The following CDH18 variants were observed in gnomAD, a reference collection of about 807,000 sequenced individuals.
The protein encoded by CDH18 is cadherin-18.
CDH18 carries 31 observed loss-of-function variants against 67.9 expected under a neutral mutation model. The observed-to-expected ratio is 0.46, with a 90% CI of 0.34 to 0.62. The LOEUF (loss-of-function observed/expected upper bound fraction) is 0.62, where lower values mean the gene tolerates loss of function less well. Ranked by LOEUF, CDH18 falls within the 20% of genes least tolerant of loss-of-function variation. The pLI, the probability that CDH18 is intolerant of heterozygous loss-of-function variation, is 0.01. For synonymous variants in CDH18, 362 were observed against 347.2 expected, an observed-to-expected ratio of 1.04 and a Z score of -0.48; for missense variants, 890 against 975.5, an observed-to-expected ratio of 0.91 and a Z score of 1.17.
intron 1 of CDH18, among the ~76,000 whole-genome samples, chr5:20,503,623 T>C (rs1754470596): frequency 6.6e-6 from 1 of 152,130 alleles, no homozygotes; most frequent in African/African-American, 2.4e-5. Context: ...TGAATAGCAA[T>C]AGATTTGAGA....
intron 1 of CDH18, among the ~76,000 whole-genome samples, chr5:20,569,470 T>C (rs1474325664): frequency 6.6e-6 from 1 of 151,634 alleles, no homozygotes; most frequent in African/African-American, 2.4e-5. Context: ...AAAATACAAA[T>C]AATTAGCCAG....
intron 2 of CDH18, among the ~76,000 whole-genome samples, chr5:19,848,881 A>G (rs1355451632): frequency 6.7e-6 from 1 of 149,818 alleles, no homozygotes; most frequent in East Asian, 1.9e-4. Flanking sequence ...TATATTATAT[A>G]CATATATGTA....
chr5:19,818,509 C>CTAATTATTATATA (rs1386711818), intron 3 of CDH18, among the ~76,000 whole-genome samples: 2 of 152,108 alleles, frequency 1.3e-5, no homozygotes, highest in African/African-American at 4.8e-5. Context: ...ATTATAGTGA[C>CTAATTATTATATA]TAATTATTAT....
At chr5:20,172,841 T>C (rs1221311338) in intron 2 of CDH18, among the ~76,000 whole-genome samples, 7 of 151,416 alleles carry the variant, frequency 4.6e-5, no homozygotes, top group Non-Finnish European at 7.4e-5. Flanking sequence ...AAATACAAAA[T>C]TAGCCAGGCA....
rs533448961 is a variant in CDH18 at position 19,471,415 on chromosome 5, T to C, written c.*1811A>G. 5.6e-4 allele frequency among the ~76,000 whole-genome samples: 85 copies of C among 152,172 alleles called. No homozygotes were observed. Among genetic ancestry groups the C allele is most frequent in the African/African-American group, 2.0e-3 (84 of 41,550 alleles). On this transcript the variant is annotated 3_prime_UTR_variant, in exon 13 of 13. Coordinates refer to ENST00000382275, the MANE Select transcript of CDH18 (RefSeq NM_004934.5). ...ATTATAATATGATAGCACAGGGCAA[T>C]TGCAAACAGAGGTAAAATCCAAAAT... is the stretch of plus-strand genomic sequence containing the variant.
chr5:20,322,477 A>G (rs1455934998), intron 1 of CDH18, among the ~76,000 whole-genome samples: 1 of 152,036 alleles, frequency 6.6e-6, no homozygotes, highest in Non-Finnish European at 1.5e-5. Context: ...TAACTCTATG[A>G]CATTGGAAAA....
At chr5:20,433,806 C>T (rs1580989611) in intron 1 of CDH18, among the ~76,000 whole-genome samples, 2 of 152,012 alleles carry the variant, frequency 1.3e-5, no homozygotes, top group South Asian at 4.2e-4. Context: ...AGGGTTATGG[C>T]TGAGAATAGG....
chr5:20,419,792 C>A (rs930986144), intron 1 of CDH18, among the ~76,000 whole-genome samples: 2 of 150,770 alleles, frequency 1.3e-5, no homozygotes, highest in Admixed American at 6.6e-5. Flanking sequence ...ACTCTTTTGG[C>A]ACTTCAAGCT....
At chr5:19,635,696 T>C (rs1753038445) in intron 5 of CDH18, among the ~76,000 whole-genome samples, 1 of 152,186 alleles carries the variant, frequency 6.6e-6, no homozygotes, top group Non-Finnish European at 1.5e-5. Context: ...CTACATATCA[T>C]CTATCTACCT....
chr5:20,009,870 T>C (rs1051728771), intron 2 of CDH18, among the ~76,000 whole-genome samples: 1 of 152,138 alleles, frequency 6.6e-6, no homozygotes, highest in East Asian at 1.9e-4. Flanking sequence ...GGAAGATACA[T>C]TCTTTATTTT....
At chr5:20,281,236 C>A (rs915233375) in intron 1 of CDH18, among the ~76,000 whole-genome samples, 6 of 152,118 alleles carry the variant, frequency 3.9e-5, no homozygotes, top group Admixed American at 3.3e-4. Flanking sequence ...TCAATTCTGG[C>A]TTTTGTTGCC....
chr5:20,424,588 T>C (rs1748135395), intron 1 of CDH18, among the ~76,000 whole-genome samples: 1 of 148,988 alleles, frequency 6.7e-6, no homozygotes, highest in Non-Finnish European at 1.5e-5. Flanking sequence ...CTGTCTCTAC[T>C]AAATACAAAA....
chr5:20,268,912 TAAGC>T (rs774170045), intron 1 of CDH18, among the ~76,000 whole-genome samples: 15 of 152,032 alleles, frequency 9.9e-5, no homozygotes, highest in Non-Finnish European at 1.9e-4. Flanking sequence ...CGCAACAAAA[TAAGC>T]AACTAACAGA....
At chr5:19,774,406 T>C (rs1774056325) in intron 3 of CDH18, among the ~76,000 whole-genome samples, 1 of 65,534 alleles carries the variant, frequency 1.5e-5, no homozygotes. Context: ...AACTGAAACC[T>C]TGTCAAAAAT....
At chr5:19,602,879 C>T (rs539853665) in intron 6 of CDH18, among the ~76,000 whole-genome samples, 10 of 152,232 alleles carry the variant, frequency 6.6e-5, no homozygotes, top group Admixed American at 3.3e-4. Flanking sequence ...GCAGAAGAAT[C>T]CCTTGAATCC....
At chr5:19,673,507 A>C (rs1759046321) in intron 5 of CDH18, among the ~76,000 whole-genome samples, 5 of 152,042 alleles carry the variant, frequency 3.3e-5, no homozygotes, top group Admixed American at 3.3e-4. Context: ...TTTAAAGTAA[A>C]CTAACGTAAA....
At chr5:20,253,606 T>A (rs1478171888) in intron 2 of CDH18, among the ~76,000 whole-genome samples, 1 of 152,072 alleles carries the variant, frequency 6.6e-6, no homozygotes, top group African/African-American at 2.4e-5. Context: ...AATAACATAA[T>A]CAGAAGAATT....
rs188252537 is a variant in CDH18, at chr5:20,541,119, A to G, written c.-580+34343T>C. Among the ~76,000 whole-genome samples the G allele has an allele frequency of 3.0e-3, 461 of 152,338 alleles. 7 individuals are homozygous for G. The highest frequency in any genetic ancestry group is 0.027 in the Admixed American group (409 of 15,300). On this transcript the variant is annotated intron_variant, in intron 1 of 14. Transcript: ENST00000507958. Reference sequence around the variant, plus strand: ...AGTGCAAAAGCAGGAATGAACATCTATTTGAGGTCAGAATAAAGTAGAAAA... The same window carrying G: ...AGTGCAAAAGCAGGAATGAACATCTGTTTGAGGTCAGAATAAAGTAGAAAA...
intron 2 of CDH18, among the ~76,000 whole-genome samples, chr5:20,010,147 C>A (rs1737286933): frequency 6.9e-6 from 1 of 144,536 alleles, no homozygotes; most frequent in Non-Finnish European, 1.5e-5. Flanking sequence ...ACCACACAAC[C>A]TAGTGGAAAG....
Sources: allele counts gnomAD v4.1 joint callset (sites outside exome capture counted in the v4.1 genomes callset), GRCh38; gene constraint gnomAD v4.1.1; transcripts MANE v1.5; gene names NCBI Gene and HGNC (gene_info 2026-07-23, HGNC 2026-07-21).